Variants in CDCP1 observed in about 807,000 individuals in gnomAD.
CDCP1 encodes the protein CUB domain containing protein 1.
Under a neutral mutation model 60.2 loss-of-function variants are expected in CDCP1, and 29 were observed. The ratio of observed to expected loss-of-function variants is 0.48; its 90% confidence interval spans 0.36 to 0.66. The LOEUF (loss-of-function observed/expected upper bound fraction) is 0.66. Among genes scored for constraint, CDCP1 ranks in the 30% least tolerant of loss-of-function variants. The pLI is 0.00. For missense variants in CDCP1, 876 were observed against 1,074.3 expected (o/e 0.82, Z 2.58); for synonymous variants, 387 against 431.1 (o/e 0.90, Z 1.27).
In CDCP1 at chr3:45,085,896, G is replaced by A. The variant is rs767848169; in HGVS notation, c.2253C>T (p.Ser751=). 1.4e-4 allele frequency: 223 copies of A among 1,614,048 alleles called. No individual in the cohort carries two copies. Among genetic ancestry groups the A allele is most frequent in the Non-Finnish European group, 1.8e-4 (212 of 1,180,042 alleles). The change falls in exon 9 of 9, where the codon AGC becomes AGT. Residue 751 remains serine (S), a synonymous_variant. Coordinates refer to ENST00000296129, the MANE Select transcript of CDCP1 (RefSeq NM_022842.5). The surrounding 1 kb of genome is among the most constrained non-coding windows in gnomAD (Gnocchi z 4.2). The part of the protein sequence containing the change: ...MVYGHLLQDS[S]GSFLQPEVDT... The stretch of plus-strand genomic sequence containing the variant: ...CCACCTCTGGCTGCAGGAAGGAGCC[G>A]CTGGAATCCTGTAGCAGATGCCCAT...
In CDCP1 at chr3:45,091,348, C is replaced by T; in HGVS notation, c.1818G>A (p.Met606Ile). Reference sequence around the variant, plus strand: ...CCCGGGTCCGCTGCTCCTGGATGATCATGAATGCGCGCCCTGTCTGGCAGA... The same window carrying T: ...CCCGGGTCCGCTGCTCCTGGATGATTATGAATGCGCGCCCTGTCTGGCAGA... ...GVVCQTGRAF[M>I]IIQEQRTRAE... Residue 606 changes from methionine to isoleucine, a missense_variant, in exon 7 of 9, where the codon ATG (methionine) becomes ATA (isoleucine). By Grantham distance (10) the Met-to-Ile change is conservative. This residue lies in a region of CDCP1 where 726 missense variants were observed against 935.7 expected (regional missense o/e 0.78). Transcript: ENST00000296129. This position sits in a 1 kb window ranked among gnomAD's most constrained non-coding sequence, Gnocchi z 4.8. 3 of 1,614,166 alleles carry T rather than the reference C, an allele frequency of 1.9e-6. No homozygotes were observed. The highest frequency in any genetic ancestry group is 2.2e-5 in the East Asian group (1 of 44,888).
Position 45,082,834 on chromosome 3 carries a change from T to C in CDCP1, c.*2804A>G, listed in dbSNP as rs1698126345. On this transcript the variant is annotated 3_prime_UTR_variant, in exon 9 of 9. Coordinates refer to ENST00000296129, the MANE Select transcript of CDCP1 (RefSeq NM_022842.5). ...GGCTTCAACAAATGGCACTTCACTG[T>C]TTCCAGTGACCCTGAAATGTTTTAC... 6.6e-6 allele frequency: 1 copy of C among 152,240 alleles called. No individual in the cohort carries two copies. Among genetic ancestry groups the C allele is most frequent in the South Asian group, 2.1e-4 (1 of 4,828 alleles). The allele number at this position is 152,240 out of a possible 1,614,324, so 9.4% of individuals were successfully genotyped here. A position where few individuals can be genotyped will look rare whatever the true frequency, so the allele number is the denominator to read the frequency against.
intron 7 of CDCP1, among the ~76,000 whole-genome samples, chr3:45,090,730 C>T (rs1698279113): frequency 6.6e-6 from 1 of 152,200 alleles, no homozygotes; most frequent in Admixed American, 6.5e-5. Flanking sequence ...TATGCCTCCT[C>T]CAGTCTCTTG....
intron 1 of CDCP1, among the ~76,000 whole-genome samples, chr3:45,144,231 T>A (rs932274969): frequency 1.3e-5 from 2 of 152,208 alleles, no homozygotes; most frequent in Non-Finnish European, 2.9e-5. Flanking sequence ...CTGCTGAGTC[T>A]TTCTTTGTTA....
At chr3:45,095,125 G>A (rs1354093025) in intron 5 of CDCP1, among the ~76,000 whole-genome samples, 3 of 152,046 alleles carry the variant, frequency 2.0e-5, no homozygotes, top group African/African-American at 7.2e-5. Flanking sequence ...GTAAAGATGG[G>A]GTTTTACCAC....
At chr3:45,120,920 C>T (rs931370822) in intron 1 of CDCP1, among the ~76,000 whole-genome samples, 1 of 562 alleles carries the variant, frequency 1.8e-3, no homozygotes, top group Non-Finnish European at 6.5e-3. Flanking sequence ...CTCCCCCCAC[C>T]ACTTCAGTCC....
chr3:45,133,643 G>C (rs112950818), intron 1 of CDCP1, among the ~76,000 whole-genome samples: 1 of 14,186 alleles, frequency 7.0e-5, no homozygotes, highest in South Asian at 2.8e-3. Context: ...GCGTGAACCC[G>C]GGAGGCGGAG....
At chr3:45,088,383 G>C (rs972359902) in intron 8 of CDCP1, among the ~76,000 whole-genome samples, 6 of 152,174 alleles carry the variant, frequency 3.9e-5, no homozygotes, top group African/African-American at 1.4e-4. Context: ...TTACTCGGGA[G>C]GCTGAGGAAG....
chr3:45,100,652 T>G (rs1211549823), intron 4 of CDCP1, among the ~76,000 whole-genome samples: 1 of 152,256 alleles, frequency 6.6e-6, no homozygotes, highest in Non-Finnish European at 1.5e-5. Flanking sequence ...CCTTGAATTT[T>G]ATGTCTTTAA....
rs772660219 is a variant in CDCP1, at chr3:45,091,325, C to T, written c.1841G>A (p.Arg614Gln). 60 of 1,614,110 alleles carry T rather than the reference C, an allele frequency of 3.7e-5. No homozygotes were observed. Among genetic ancestry groups the T allele is most frequent in the Non-Finnish European group, 4.6e-5 (54 of 1,180,040 alleles). ...AFMIIQEQRTRAEEIFSLDED... is the reference protein window; with the variant it reads ...AFMIIQEQRTQAEEIFSLDED... The stretch of plus-strand genomic sequence containing the variant: ...GTCCAGGCTGAAGATCTCCTCAGCC[C>T]GGGTCCGCTGCTCCTGGATGATCAT... The change falls in exon 7 of 9, where the codon CGG becomes CAG. Residue 614 changes from arginine to glutamine, a missense_variant. By Grantham distance (43) the Arg-to-Gln change is conservative. Transcript: ENST00000296129. The surrounding 1 kb of genome is among the most constrained non-coding windows in gnomAD (Gnocchi z 4.8).
At chr3:45,120,988 C>T (rs551920036) in intron 1 of CDCP1, among the ~76,000 whole-genome samples, 17 of 152,180 alleles carry the variant, frequency 1.1e-4, no homozygotes, top group South Asian at 2.1e-4. Flanking sequence ...GGAACTTGCC[C>T]GTATTTTTTA....
At chr3:45,139,984 T>C (rs1358212186) in intron 1 of CDCP1, among the ~76,000 whole-genome samples, 2 of 152,212 alleles carry the variant, frequency 1.3e-5, no homozygotes, top group South Asian at 2.1e-4. Flanking sequence ...GGGTTAAACA[T>C]TGTTTTAGCC....
At chr3:45,129,418 C>T (rs1479989956) in intron 1 of CDCP1, among the ~76,000 whole-genome samples, 2 of 152,166 alleles carry the variant, frequency 1.3e-5, no homozygotes, top group Admixed American at 6.5e-5. Flanking sequence ...ACTTTGAACA[C>T]GGGAATTGCA....
At position 45,091,533 on chromosome 3, in the gene CDCP1, C is replaced by T. The variant is rs1417081956; in HGVS notation, c.1633G>A (p.Gly545Ser). The change falls in exon 7 of 9, where the codon GGC (glycine) becomes AGC (serine). Residue 545 changes from glycine to serine, a missense_variant. Gly to Ser is a moderately conservative substitution (Grantham distance 56, BLOSUM62 0). Coordinates refer to ENST00000296129, the MANE Select transcript of CDCP1 (RefSeq NM_022842.5). This position sits in a 1 kb window ranked among gnomAD's most constrained non-coding sequence, Gnocchi z 4.8. ...GTGTCAGGGGTCACCGTGAAAACGC[C>T]TTCCTCTGCAGGAAAGGGAGGGAGA... is the stretch of plus-strand genomic sequence containing the variant. Reference protein sequence around the residue: ...VSFIPYFKEEGVFTVTPDTKS... With the variant: ...VSFIPYFKEESVFTVTPDTKS... The T allele has an allele frequency of 6.3e-7, 1 of 1,598,758 alleles. No individual in the cohort carries two copies. Among genetic ancestry groups the T allele is most frequent in the Non-Finnish European group, 8.5e-7 (1 of 1,173,412 alleles).
At position 45,090,282 on chromosome 3, in the gene CDCP1, A is replaced by T. The variant is rs531217563; in HGVS notation, c.1993+891T>A. Among the ~76,000 whole-genome samples the T allele has an allele frequency of 2.8e-4, 42 of 152,268 alleles. 1 individual carries two copies. Among genetic ancestry groups the T allele is most frequent in the African/African-American group, 9.4e-4 (39 of 41,558 alleles). ...TGATGCTCGGTGCCTTCACTGAGTAAAGGGCAGACATGGCCCCACCACAGC... is the reference window on the plus strand; with the variant it reads ...TGATGCTCGGTGCCTTCACTGAGTATAGGGCAGACATGGCCCCACCACAGC... On this transcript the variant is annotated intron_variant, in intron 7 of 8. Transcript: ENST00000296129.
chr3:45,114,423 T>C (rs1051575519), intron 2 of CDCP1, among the ~76,000 whole-genome samples: 1 of 151,796 alleles, frequency 6.6e-6, no homozygotes, highest in African/African-American at 2.4e-5. Context: ...CTTTTTTTTT[T>C]TTTTCTTTTT....
chr3:45,146,450 G>A (rs991047112), upstream of CDCP1: 10 of 531,516 alleles, frequency 1.9e-5, no homozygotes, highest in Admixed American at 8.8e-5. Context: ...AGCTGACCCG[G>A]TGCGTCCCTC....
At chr3:45,101,935 G>A (rs918248989) in intron 4 of CDCP1, among the ~76,000 whole-genome samples, 8 of 151,280 alleles carry the variant, frequency 5.3e-5, no homozygotes, top group East Asian at 1.9e-4. Flanking sequence ...TTCAACAGCC[G>A]TTCACCGTTC....
At chr3:45,116,766 T>C (rs1171652521) in intron 2 of CDCP1, among the ~76,000 whole-genome samples, 2 of 152,224 alleles carry the variant, frequency 1.3e-5, no homozygotes, top group Admixed American at 1.3e-4. Flanking sequence ...GTCTCGGGCA[T>C]TTTTTCCAAT....
Sources: gnomAD v4.1 joint callset for allele counts (sites outside exome capture counted in the v4.1 genomes callset) on GRCh38, gnomAD v4.1.1 for gene constraint, gnomAD v4.1.1 regional missense constraint, Gnocchi (gnomAD v3.1) non-coding constraint, MANE v1.5 for transcripts, NCBI Gene and HGNC (gene_info 2026-07-23, HGNC 2026-07-21) for gene names.